Variants in NPSR1 observed in about 807,000 individuals in gnomAD.
The protein encoded by NPSR1 is neuropeptide S receptor.
Under a neutral mutation model 46.9 loss-of-function variants are expected in NPSR1, and 48 were observed. The ratio of observed to expected loss-of-function variants is 1.02; its 90% CI spans 0.81 to 1.30. The LOEUF is 1.30. Among genes scored for constraint, NPSR1 ranks in the 50% most tolerant of loss-of-function variants. The probability of loss-of-function intolerance (pLI) is 0.00; values close to 1 mark genes in which losing one functional copy is unlikely to be tolerated. For synonymous variants in NPSR1, 176 were observed against 168.1 expected (o/e 1.05, Z -0.36); for missense variants, 450 against 449.5 (o/e 1.00, Z -0.01).
intron 3 of NPSR1, among the ~76,000 whole-genome samples, chr7:34,788,579 A>G (rs1221068474): frequency 4.6e-5 from 7 of 152,138 alleles, no homozygotes; most frequent in Non-Finnish European, 5.9e-5. Flanking sequence ...AGGTCATTGC[A>G]TAATAATAAA....
In NPSR1 at chr7:34,871,838, G is replaced by T. The variant is rs1403177217; in HGVS notation, c.1026-6238G>T. 2.0e-5 allele frequency among the ~76,000 whole-genome samples: 3 copies of T among 152,016 alleles called. No individual in the cohort carries two copies. In the East Asian group the frequency reaches 5.8e-4, roughly 29 times the overall value. On this transcript the variant is annotated intron_variant, in intron 8 of 8. Coordinates refer to the NPSR1 transcript ENST00000359791. ...AGACCCACCCCTGTGGCTTTGCAGG[G>T]TGCAGTACACATGGCTGTTCTCAAG...
chr7:34,862,672 C>A (rs1360054200), intron 8 of NPSR1, among the ~76,000 whole-genome samples: 1 of 151,714 alleles, frequency 6.6e-6, no homozygotes. Context: ...AGAAAATTTA[C>A]TAATTAAATT....
chr7:34,778,587 T>G, intron 3 of NPSR1, 22 bp downstream of exon 3: 1 of 1,431,516 alleles, frequency 7.0e-7, no homozygotes, highest in Non-Finnish European at 9.8e-7. Flanking sequence ...CTTCCAAATG[T>G]GATGAGACAA....
intron 6 of NPSR1, among the ~76,000 whole-genome samples, chr7:34,844,515 C>G (rs1279390412): frequency 6.6e-6 from 1 of 151,960 alleles, no homozygotes; most frequent in Non-Finnish European, 1.5e-5. Context: ...GTAACTTTGC[C>G]TAGGTTGCTA....
intron 3 of NPSR1, among the ~76,000 whole-genome samples, chr7:34,783,365 C>T (rs1787317139): frequency 6.6e-6 from 1 of 151,838 alleles, no homozygotes; most frequent in Non-Finnish European, 1.5e-5. Context: ...AAGGGGAAGC[C>T]CCTTATAAAA....
At chr7:34,799,160 ATG>A (rs1220732734) in intron 3 of NPSR1, among the ~76,000 whole-genome samples, 2 of 152,160 alleles carry the variant, frequency 1.3e-5, no homozygotes, top group Non-Finnish European at 2.9e-5. Context: ...CAGAGTAAGT[ATG>A]TGAGGTAATG....
chr7:34,679,207 A>AT (rs1792487679), intron 1 of NPSR1, among the ~76,000 whole-genome samples: 1 of 152,176 alleles, frequency 6.6e-6, no homozygotes, highest in South Asian at 2.1e-4. Flanking sequence ...ACAAAAACAA[A>AT]CTTTAAAAAC....
chr7:34,735,324 C>A, intron 2 of NPSR1, among the ~76,000 whole-genome samples: 1 of 152,130 alleles, frequency 6.6e-6, no homozygotes, highest in African/African-American at 2.4e-5. Flanking sequence ...GCAGAGATGA[C>A]CATGCTGGAG....
At chr7:34,673,407 G>A (rs1226467949) in intron 1 of NPSR1, among the ~76,000 whole-genome samples, 1 of 151,912 alleles carries the variant, frequency 6.6e-6, no homozygotes, top group Non-Finnish European at 1.5e-5. Context: ...TCCCACTTCC[G>A]GCCTGAGTGT....
intron 2 of NPSR1, among the ~76,000 whole-genome samples, chr7:34,707,465 C>T (rs1794166876): frequency 6.6e-6 from 1 of 152,174 alleles, no homozygotes; most frequent in Admixed American, 6.5e-5. Context: ...TCCTGTTGTT[C>T]CCTGCCTCAC....
In NPSR1 at chr7:34,799,458, C is replaced by T. The variant is rs985701478; in HGVS notation, c.385-12312C>T. ...TTTCAACCCAGAATTTCATATCCAG[C>T]CAAACTAAGCATCATAAGTGAAGGA... On this transcript the variant is annotated intron_variant, in intron 3 of 8. Transcript: ENST00000360581. Among the ~76,000 whole-genome samples the T allele has an allele frequency of 8.6e-5, 13 of 151,620 alleles. 1 individual carries two copies. Among genetic ancestry groups the T allele is most frequent in the African/African-American group, 3.1e-4 (13 of 41,332 alleles).
intron 2 of NPSR1, among the ~76,000 whole-genome samples, chr7:34,701,169 T>C (rs1413615746): frequency 1.3e-5 from 2 of 152,178 alleles, no homozygotes; most frequent in Non-Finnish European, 2.9e-5. Flanking sequence ...CTTTCATATA[T>C]TGATTATTTT....
intron 4 of NPSR1, among the ~76,000 whole-genome samples, chr7:34,822,675 G>C (rs1184467395): frequency 6.6e-6 from 1 of 152,130 alleles, no homozygotes; most frequent in Non-Finnish European, 1.5e-5. Flanking sequence ...AAATGAATTA[G>C]TATACGGTGT....
intron 1 of NPSR1, among the ~76,000 whole-genome samples, chr7:34,667,076 T>C (rs922128604): frequency 5.3e-5 from 8 of 152,238 alleles, no homozygotes; most frequent in African/African-American, 1.9e-4. Flanking sequence ...TTTTTCATGA[T>C]GGCTCAATAA....
intron 3 of NPSR1, among the ~76,000 whole-genome samples, chr7:34,792,448 G>T (rs945347157): frequency 6.8e-6 from 1 of 147,112 alleles, no homozygotes; most frequent in Non-Finnish European, 1.5e-5. Flanking sequence ...TGGATTGAGC[G>T]CAGGTATTCA....
intron 6 of NPSR1, among the ~76,000 whole-genome samples, chr7:34,837,878 A>G (rs1401054585): frequency 6.6e-6 from 1 of 152,180 alleles, no homozygotes; most frequent in African/African-American, 2.4e-5. Flanking sequence ...GTTTTGATAT[A>G]TTTAAAATCT....
intron 2 of NPSR1, among the ~76,000 whole-genome samples, chr7:34,696,844 C>T (rs905336285): frequency 2.0e-5 from 3 of 151,864 alleles, no homozygotes; most frequent in Non-Finnish European, 2.9e-5. Context: ...CCATAAAGGA[C>T]AACAGCAAGC....
chr7:34,752,042 C>A lies in NPSR1; in HGVS notation c.281-26420C>A, dbSNP rs1049433005. 68 of 699,384 alleles carry A rather than the reference C, an allele frequency of 9.7e-5. 1 individual carries two copies. In the Middle Eastern group the frequency reaches 3.4e-3, roughly 35 times the overall value. 43.3% of individuals were successfully genotyped at this position (699,384 alleles called of 1,614,324 possible). ...GGGCCAGCCGGTAGTCCTGTGGAAA[C>A]TTCGGAAGAGAGTTTTATTTTCTGC... On this transcript the variant is annotated intron_variant, in intron 2 of 8. Coordinates refer to ENST00000360581, the MANE Select transcript of NPSR1 (RefSeq NM_207172.2).
intron 6 of NPSR1, among the ~76,000 whole-genome samples, chr7:34,842,235 T>G (rs1389770624): frequency 6.6e-6 from 1 of 152,224 alleles, no homozygotes; most frequent in Non-Finnish European, 1.5e-5. Context: ...CTTTAGACGA[T>G]TTGCCTAAGT....
Sources: gnomAD v4.1 joint callset for allele counts (sites outside exome capture counted in the v4.1 genomes callset) on GRCh38, gnomAD v4.1.1 for gene constraint, MANE v1.5 for transcripts, NCBI Gene and HGNC (gene_info 2026-07-23, HGNC 2026-07-21) for gene names.